C21orf58: variants seen among roughly 807,000 people sequenced by gnomAD.
C21orf58 encodes the protein chromosome 21 open reading frame 58, also known as uncharacterized protein C21orf58.
Under a neutral mutation model 35.8 loss-of-function variants are expected in C21orf58, and 34 were observed. The ratio of observed to expected loss-of-function variants is 0.95; its 90% CI spans 0.72 to 1.26. C21orf58 has a LOEUF of 1.26. Ranked by LOEUF, C21orf58 falls within the 50% of genes most tolerant of loss-of-function variation. The pLI is 0.00. For missense variants in C21orf58, 440 were observed against 414.3 expected, an observed-to-expected ratio of 1.06 and a Z score of -0.54; for synonymous variants, 191 against 175.8, an observed-to-expected ratio of 1.09 and a Z score of -0.68.
At chr21:46,312,944 G>A in intron 5 of C21orf58, 1 of 971,356 alleles carries the variant, frequency 1.0e-6, no homozygotes, top group Non-Finnish European at 1.2e-6. Context: ...TCCTCTGAGT[G>A]AAAATAAATT....
chr21:46,320,762 G>C (rs2083129031), intron 1 of C21orf58: 1 of 152,212 alleles, frequency 6.6e-6, no homozygotes, highest in Admixed American at 6.5e-5. Flanking sequence ...GCCCACATCA[G>C]AGATGCTTCC....
chr21:46,316,628 G>T (rs1171771817), intron 3 of C21orf58, among the ~76,000 whole-genome samples: 1 of 152,188 alleles, frequency 6.6e-6, no homozygotes, highest in Non-Finnish European at 1.5e-5. Context: ...CCTTGGGGGG[G>T]TCCCCAAACC....
At chr21:46,312,030 TCC>T (rs1433924776) in intron 5 of C21orf58, among the ~76,000 whole-genome samples, 49 of 89,264 alleles carry the variant, frequency 5.5e-4, no homozygotes, top group Middle Eastern at 0.021. Context: ...CATCCACCCA[TCC>T]ACCTACCCAA....
At chr21:46,318,574 C>T (rs774715382) in intron 1 of C21orf58, 152 of 1,186,790 alleles carry the variant, frequency 1.3e-4, no homozygotes, top group Non-Finnish European at 1.5e-4. Flanking sequence ...GTACTGCCTC[C>T]AGGGTGTTAA....
rs1395737121 is a variant in C21orf58, at chr21:46,323,693, C to G, written c.-955G>C. On this transcript the variant is annotated 5_prime_UTR_variant, in exon 1 of 8. Coordinates refer to ENST00000291691, the MANE Select transcript of C21orf58 (RefSeq NM_058180.5). ...CCTCCTCCGTGGTAGGCCTCAACTT[C>G]CCGCGGCGGCCCACAGCCAACGACT... 1 of 180,936 alleles carries G rather than the reference C, an allele frequency of 5.5e-6. No individual in the cohort carries two copies. Among genetic ancestry groups the G allele is most frequent in the African/African-American group, 2.4e-5 (1 of 41,572 alleles). 11.2% of individuals were successfully genotyped at this position (180,936 alleles called of 1,614,324 possible). A position where few individuals can be genotyped will look rare whatever the true frequency, so the allele number is the denominator to read the frequency against.
At chr21:46,316,647 C>T (rs995459624) in intron 3 of C21orf58, among the ~76,000 whole-genome samples, 4 of 152,236 alleles carry the variant, frequency 2.6e-5, no homozygotes, top group African/African-American at 9.6e-5. Flanking sequence ...CCCTCTGCCC[C>T]AGGCACTGGT....
In C21orf58 at chr21:46,318,079, G is replaced by T. The variant is rs1350733411; in HGVS notation, c.242C>A (p.Ala81Asp). Residue 81 changes from alanine to aspartate, a missense_variant, in exon 2 of 8, where the codon GCT becomes GAT. By Grantham distance (126) the Ala-to-Asp change is moderately radical. Coordinates refer to ENST00000291691, the MANE Select transcript of C21orf58 (RefSeq NM_058180.5). ...TGCTGATGAGTCCAGCATGGTGGGA[G>T]CTGCAGGAGACGACTGTAGGGGCAG... ...PPLPLQSSPAAPTMLDSSAAE... is the reference protein window; with the variant it reads ...PPLPLQSSPADPTMLDSSAAE... The T allele has an allele frequency of 1.2e-6, 2 of 1,613,412 alleles. No homozygotes were observed. The highest frequency in any genetic ancestry group is 1.7e-6 in the Non-Finnish European group (2 of 1,180,008).
intron 5 of C21orf58, among the ~76,000 whole-genome samples, chr21:46,313,491 C>T (rs1294562658): frequency 6.6e-6 from 1 of 152,224 alleles, no homozygotes; most frequent in Non-Finnish European, 1.5e-5. Flanking sequence ...CTTAGTGACC[C>T]ACAGCCCCTG....
intron 6 of C21orf58, among the ~76,000 whole-genome samples, chr21:46,307,283 A>G (rs1362913537): frequency 6.6e-6 from 1 of 152,168 alleles, no homozygotes; most frequent in Admixed American, 6.6e-5. Flanking sequence ...AAGTGCTGGG[A>G]TGACAGGCAT....
chr21:46,317,021 T>C (rs1487452719), intron 3 of C21orf58, among the ~76,000 whole-genome samples, 187 bp downstream of exon 3: 1 of 151,984 alleles, frequency 6.6e-6, no homozygotes, highest in Non-Finnish European at 1.5e-5. Flanking sequence ...AGACTAAAGG[T>C]GATAAGGAAT....
chr21:46,319,508 A>T (rs572448842), intron 1 of C21orf58, among the ~76,000 whole-genome samples: 1 of 152,284 alleles, frequency 6.6e-6, no homozygotes, highest in Admixed American at 6.5e-5. Context: ...CACGCCTGTA[A>T]TCTCAGTGCT....
At position 46,301,579 on chromosome 21, in the gene C21orf58, C is replaced by A. The variant is rs1480668711; in HGVS notation, c.*420G>T. On this transcript the variant is annotated 3_prime_UTR_variant, in exon 8 of 8. Transcript: ENST00000291691. ...AAGCTATTGATCTTTTCTGTTCTGG[C>A]TCCTGAGCTGAGATTTTCTTAAACT... 2.0e-6 allele frequency: 2 copies of A among 997,496 alleles called. No homozygotes were observed. Among genetic ancestry groups the A allele is most frequent in the Non-Finnish European group, 2.4e-6 (2 of 838,374 alleles). The allele number at this position is 997,496 out of a possible 1,614,324, so 61.8% of individuals were successfully genotyped here. A position where few individuals can be genotyped will look rare whatever the true frequency, so the allele number is the denominator to read the frequency against.
intron 6 of C21orf58, among the ~76,000 whole-genome samples, chr21:46,303,739 ATATATATTTTTTTTTTTTTT>A: frequency 3.5e-5 from 1 of 28,206 alleles, no homozygotes; most frequent in East Asian, 5.9e-4. Context: ...ATATATATAT[ATATATATTTTTTTTTTTTTT>A]TTTTTTTTTG....
intron 1 of C21orf58, chr21:46,318,746 T>C (rs2146111805): frequency 1.0e-6 from 1 of 995,980 alleles, no homozygotes; most frequent in Non-Finnish European, 1.2e-6. Flanking sequence ...GGCTGGGCTT[T>C]AGCAGGACCA....
In C21orf58 at chr21:46,306,246, C is replaced by T. The variant is rs201424047; in HGVS notation, c.722-3670G>A. On this transcript the variant is annotated intron_variant, in intron 6 of 7. Coordinates refer to ENST00000291691, the MANE Select transcript of C21orf58 (RefSeq NM_058180.5). ...AGGTAGGGCCGGGCATGGTGGCTCA[C>T]GCCTGTAATCCCAGCACTTTGGGAG... is the stretch of plus-strand genomic sequence containing the variant. Among the ~76,000 whole-genome samples, 13 of 152,190 alleles carry T rather than the reference C, an allele frequency of 8.5e-5. No individual in the cohort carries two copies. The East Asian group carries it at 2.3e-3, about 27-fold the overall frequency.
Position 46,314,699 on chromosome 21 carries a change from C to G in C21orf58, c.609+17G>C. On this transcript the variant is annotated intron_variant, in intron 5 of 7. Coordinates refer to ENST00000291691, the MANE Select transcript of C21orf58 (RefSeq NM_058180.5). ...GCCTCCCACTCTCAGATGTGCTCCT[C>G]GACTTCGCCCTCTTACCGTAGGCAG... The G allele has an allele frequency of 7.0e-7, 1 of 1,434,740 alleles. No individual in the cohort carries two copies. The highest frequency in any genetic ancestry group is 9.2e-7 in the Non-Finnish European group (1 of 1,083,242). 88.9% of individuals were successfully genotyped at this position (1,434,740 alleles called of 1,614,324 possible). A position where few individuals can be genotyped will look rare whatever the true frequency, so the allele number is the denominator to read the frequency against.
intron 6 of C21orf58, among the ~76,000 whole-genome samples, chr21:46,304,009 C>T (rs2082300505): frequency 7.1e-6 from 1 of 141,578 alleles, no homozygotes; most frequent in African/African-American, 2.6e-5. Flanking sequence ...CCTTGGCTTC[C>T]CAAAGTGCTG....
At position 46,301,993 on chromosome 21, in the gene C21orf58, T is replaced by G; in HGVS notation, c.*6A>C. On this transcript the variant is annotated 3_prime_UTR_variant, in exon 8 of 8. Coordinates refer to ENST00000291691, the MANE Select transcript of C21orf58 (RefSeq NM_058180.5). ...GTGCCCCGGCCAGGGTCTCTGTGACTCACACTCAGGGTGGGCCAGGCGTCC... is the reference window on the plus strand; with the variant it reads ...GTGCCCCGGCCAGGGTCTCTGTGACGCACACTCAGGGTGGGCCAGGCGTCC... 6.6e-7 allele frequency: 1 copy of G among 1,522,384 alleles called. No individual in the cohort carries two copies. The highest frequency in any genetic ancestry group is 8.8e-7 in the Non-Finnish European group (1 of 1,135,314). 94.3% of individuals were successfully genotyped at this position (1,522,384 alleles called of 1,614,324 possible). A position where few individuals can be genotyped will look rare whatever the true frequency, so the allele number is the denominator to read the frequency against.
chr21:46,308,342 T>G (rs1301286081), intron 6 of C21orf58, among the ~76,000 whole-genome samples: 1 of 151,298 alleles, frequency 6.6e-6, no homozygotes, highest in African/African-American at 2.4e-5. Flanking sequence ...ATGCCTGTAA[T>G]CCCAGCTGCT....
Sources: gnomAD v4.1 joint callset for allele counts (sites outside exome capture counted in the v4.1 genomes callset) on GRCh38, gnomAD v4.1.1 for gene constraint, MANE v1.5 for transcripts, NCBI Gene and HGNC (gene_info 2026-07-23, HGNC 2026-07-21) for gene names.